Variants in SLC4A10 observed in about 807,000 individuals in gnomAD.
SLC4A10 encodes sodium-driven chloride bicarbonate exchanger.
SLC4A10 carries 42 observed loss-of-function variants against 137.7 expected under a neutral mutation model. The observed-to-expected ratio is 0.30, with a 90% CI of 0.24 to 0.39. The LOEUF is 0.39. SLC4A10 is among the 10% of genes least tolerant of loss of function. The probability of loss-of-function intolerance (pLI) is 1.00; values close to 1 mark genes in which losing one functional copy is unlikely to be tolerated. For missense variants in SLC4A10, 925 were observed against 1,355.0 expected, an observed-to-expected ratio of 0.68 and a Z score of 4.98; for synonymous variants, 474 against 464.1, an observed-to-expected ratio of 1.02 and a Z score of -0.27.
In SLC4A10 at chr2:161,985,239, ATATT is replaced by A. The variant is rs1198565465; in HGVS notation, c.*2091_*2094del. 1.3e-5 allele frequency: 2 copies of A among 152,142 alleles called. No individual in the cohort carries two copies. Among genetic ancestry groups the A allele is most frequent in the African/African-American group, 2.4e-5 (1 of 41,450 alleles). 9.4% of individuals were successfully genotyped at this position (152,142 alleles called of 1,614,324 possible). Reference sequence around the variant, plus strand: ...ATTAAGAAATGTTATGTGGAAATAAATATTTATCCTAACTTCCTTGCACATTTTA... The same window carrying A: ...ATTAAGAAATGTTATGTGGAAATAAATATCCTAACTTCCTTGCACATTTTA... On this transcript the variant is annotated 3_prime_UTR_variant, in exon 27 of 27. Coordinates refer to ENST00000446997, the MANE Select transcript of SLC4A10 (RefSeq NM_001178015.2).
At chr2:161,741,440 T>C (rs948221391) in intron 1 of SLC4A10, among the ~76,000 whole-genome samples, 19 of 152,170 alleles carry the variant, frequency 1.2e-4, no homozygotes, top group African/African-American at 4.3e-4. Context: ...TTATTCATCT[T>C]ACATAACTGC....
chr2:161,872,460 GAC>G, intron 7 of SLC4A10, 76 bp downstream of exon 7: 1 of 1,119,662 alleles, frequency 8.9e-7, no homozygotes, highest in Non-Finnish European at 1.3e-6. Flanking sequence ...AAGAGGTGTT[GAC>G]ACAATATTTT....
At chr2:161,694,751 G>A (rs566726871) in intron 1 of SLC4A10, among the ~76,000 whole-genome samples, 46 of 152,054 alleles carry the variant, frequency 3.0e-4, no homozygotes, top group African/African-American at 1.1e-3. Context: ...AATTGAAATG[G>A]TAACCATCAG....
chr2:161,860,861 A>AT (rs2060397253), intron 5 of SLC4A10, among the ~76,000 whole-genome samples: 1 of 152,198 alleles, frequency 6.6e-6, no homozygotes, highest in African/African-American at 2.4e-5. Flanking sequence ...CGACTGCCTG[A>AT]TTTTGTAGGG....
At chr2:161,835,690 C>T (rs1227921) in intron 3 of SLC4A10, among the ~76,000 whole-genome samples, 3 of 152,006 alleles carry the variant, frequency 2.0e-5, no homozygotes, top group African/African-American at 4.8e-5. Flanking sequence ...CATGGACTAA[C>T]GTTTTTATGG....
intron 10 of SLC4A10, among the ~76,000 whole-genome samples, chr2:161,883,764 C>G (rs2062000648): frequency 6.6e-6 from 1 of 152,106 alleles, no homozygotes; most frequent in Non-Finnish European, 1.5e-5. Flanking sequence ...TCCATCTTCA[C>G]ATGGCTTTCT....
At chr2:161,855,168 G>T (rs1260172335) in intron 5 of SLC4A10, 38 bp downstream of exon 5, 1 of 1,549,726 alleles carries the variant, frequency 6.5e-7, no homozygotes, top group Non-Finnish European at 8.7e-7. Context: ...TATAGGTACA[G>T]CTAATTTTTT....
intron 23 of SLC4A10, among the ~76,000 whole-genome samples, chr2:161,970,105 A>G (rs559905272): frequency 7.1e-4 from 108 of 152,310 alleles, no homozygotes; most frequent in Non-Finnish European, 2.6e-4. Context: ...TTCTGGTGCT[A>G]AAGTTTGAGA....
chr2:161,805,537 G>A (rs1159549333), intron 3 of SLC4A10, among the ~76,000 whole-genome samples: 2 of 152,190 alleles, frequency 1.3e-5, no homozygotes, highest in Non-Finnish European at 2.9e-5. Context: ...CTGGGGTAAA[G>A]GCATTAGGTA....
intron 18 of SLC4A10, 73 bp from the exon 19 acceptor site, chr2:161,950,614 A>G: frequency 1.4e-6 from 2 of 1,418,770 alleles, no homozygotes; most frequent in Non-Finnish European, 1.9e-6. Flanking sequence ...TCCTAGTAGC[A>G]TCTGTAAGAC....
At chr2:161,648,099 A>G (rs2036305716) in intron 1 of SLC4A10, among the ~76,000 whole-genome samples, 1 of 152,144 alleles carries the variant, frequency 6.6e-6, no homozygotes. Context: ...AAAAAATTTT[A>G]AACAAAATCA....
chr2:161,952,923 G>A (rs1195035269), intron 19 of SLC4A10, among the ~76,000 whole-genome samples: 2 of 152,104 alleles, frequency 1.3e-5, no homozygotes, highest in Non-Finnish European at 2.9e-5. Context: ...TTGCTTCATT[G>A]AAATGTTTGC....
chr2:161,817,912 G>T (rs1247460998), intron 3 of SLC4A10, among the ~76,000 whole-genome samples: 1 of 151,658 alleles, frequency 6.6e-6, no homozygotes, highest in Non-Finnish European at 1.5e-5. Context: ...GTCAGGTAGC[G>T]TGATGCCTCC....
At chr2:161,796,481 T>C (rs1040397564) in intron 2 of SLC4A10, among the ~76,000 whole-genome samples, 7 of 152,192 alleles carry the variant, frequency 4.6e-5, no homozygotes, top group Admixed American at 3.3e-4. Context: ...CATGGTGGCA[T>C]GACTTCCAGA....
intron 8 of SLC4A10, among the ~76,000 whole-genome samples, chr2:161,877,325 A>T (rs1008056604): frequency 2.0e-5 from 3 of 152,024 alleles, no homozygotes; most frequent in Non-Finnish European, 2.9e-5. Flanking sequence ...TCTCATTTTA[A>T]ATTTTGTTCA....
At chr2:161,626,751 C>G (rs1187925416) in intron 1 of SLC4A10, among the ~76,000 whole-genome samples, 1 of 152,054 alleles carries the variant, frequency 6.6e-6, no homozygotes, top group Non-Finnish European at 1.5e-5. Context: ...AGTGATGAAA[C>G]CAGGACTAGA....
chr2:161,912,036 A>G (rs1685979855), intron 15 of SLC4A10, among the ~76,000 whole-genome samples: 1 of 152,106 alleles, frequency 6.6e-6, no homozygotes. Context: ...AGTATCCAGT[A>G]TAATAGTTCA....
At chr2:161,689,034 G>A (rs2041720251) in intron 1 of SLC4A10, among the ~76,000 whole-genome samples, 1 of 152,038 alleles carries the variant, frequency 6.6e-6, no homozygotes, top group African/African-American at 2.4e-5. Context: ...AAAGATTATA[G>A]GATAAGTATA....
intron 19 of SLC4A10, among the ~76,000 whole-genome samples, chr2:161,956,425 C>T (rs1003465390): frequency 2.0e-5 from 3 of 152,100 alleles, no homozygotes; most frequent in East Asian, 3.9e-4. Flanking sequence ...AATAGGCCAT[C>T]CCTTTGGCTG....
Sources: gnomAD v4.1 joint callset for allele counts (sites outside exome capture counted in the v4.1 genomes callset) on GRCh38, gnomAD v4.1.1 for gene constraint, MANE v1.5 for transcripts, NCBI Gene and HGNC (gene_info 2026-07-23, HGNC 2026-07-21) for gene names.